Variants in PRDM5 observed in about 807,000 individuals in gnomAD.
The protein encoded by PRDM5 is PR domain zinc finger protein 5.
PRDM5 carries 56 observed loss-of-function variants against 81.2 expected under a neutral mutation model. The observed-to-expected ratio is 0.69, with a 90% CI of 0.56 to 0.86. The LOEUF is 0.86. Among genes scored for constraint, PRDM5 ranks in the 40% least tolerant of loss-of-function variants. The pLI, the probability that PRDM5 is intolerant of heterozygous loss-of-function variation, is 0.00. For missense variants in PRDM5, 697 were observed against 770.1 expected, an observed-to-expected ratio of 0.91 and a Z score of 1.12; for synonymous variants, 267 against 256.4, an observed-to-expected ratio of 1.04 and a Z score of -0.39.
intron 3 of PRDM5, chr4:120,838,259 T>A (rs986848116): frequency 6.6e-6 from 1 of 152,182 alleles, no homozygotes; most frequent in Non-Finnish European, 1.5e-5. Context: ...TCAAGCTGTC[T>A]TTTTTTGGGG....
chr4:120,741,498 C>T (rs1189082555), intron 14 of PRDM5, among the ~76,000 whole-genome samples: 3 of 151,632 alleles, frequency 2.0e-5, no homozygotes, highest in African/African-American at 7.3e-5. Flanking sequence ...GTGATTACTG[C>T]ATTTCCATCT....
chr4:120,802,716 C>T (rs1274528062), intron 8 of PRDM5, among the ~76,000 whole-genome samples: 1 of 152,152 alleles, frequency 6.6e-6, no homozygotes, highest in Non-Finnish European at 1.5e-5. Context: ...ACGTCACCAT[C>T]ATCAAAGACC....
chr4:120,866,170 C>T (rs1761180600), intron 2 of PRDM5, among the ~76,000 whole-genome samples: 1 of 152,204 alleles, frequency 6.6e-6, no homozygotes, highest in Admixed American at 6.5e-5. Flanking sequence ...ACTTGTCTGT[C>T]TCAGCTCAGA....
intron 3 of PRDM5, among the ~76,000 whole-genome samples, chr4:120,821,929 T>G (rs986609277): frequency 2.2e-5 from 3 of 139,360 alleles, no homozygotes; most frequent in African/African-American, 8.1e-5. Context: ...CCCACAGAAA[T>G]GACAGACACG....
In PRDM5 at chr4:120,857,856, C is replaced by T. The variant is rs191996876; in HGVS notation, c.178-4316G>A. ...TATTTGGATGGTTAATTTTCAAAGA[C>T]GAGTCTACAATGTTGCTTACTCTAT... On this transcript the variant is annotated intron_variant, in intron 2 of 15. Transcript: ENST00000264808. Among the ~76,000 whole-genome samples, 218 of 152,256 alleles carry T rather than the reference C, an allele frequency of 1.4e-3. 2 individuals are homozygous for T. The highest frequency in any genetic ancestry group is 4.8e-3 in the African/African-American group (200 of 41,564).
chr4:120,725,064 A>G (rs1056938479), intron 14 of PRDM5, among the ~76,000 whole-genome samples: 1 of 152,230 alleles, frequency 6.6e-6, no homozygotes, highest in Non-Finnish European at 1.5e-5. Context: ...CTCAAAAGTC[A>G]TAAAATATTC....
intron 13 of PRDM5, among the ~76,000 whole-genome samples, chr4:120,756,420 T>A (rs961598951): frequency 7.9e-5 from 12 of 152,206 alleles, no homozygotes; most frequent in African/African-American, 2.7e-4. Context: ...AACCCCACAC[T>A]TTTTTACTCA....
chr4:120,856,943 T>C (rs1398093729), intron 2 of PRDM5, among the ~76,000 whole-genome samples: 1 of 152,218 alleles, frequency 6.6e-6, no homozygotes, highest in Non-Finnish European at 1.5e-5. Context: ...GATCATCTTC[T>C]GCATACCTGG....
chr4:120,834,790 AAG>A (rs1757149165), intron 3 of PRDM5, among the ~76,000 whole-genome samples: 1 of 152,194 alleles, frequency 6.6e-6, no homozygotes, highest in Non-Finnish European at 1.5e-5. Flanking sequence ...TCCTCCAAGC[AAG>A]AGAATTTCAA....
chr4:120,876,744 T>A (rs946901854), intron 2 of PRDM5, among the ~76,000 whole-genome samples: 6 of 152,218 alleles, frequency 3.9e-5, no homozygotes, highest in Non-Finnish European at 8.8e-5. Context: ...AGGATTCTAT[T>A]TACCACAAAT....
chr4:120,886,785 A>C (rs984704155), intron 2 of PRDM5, among the ~76,000 whole-genome samples: 2 of 152,174 alleles, frequency 1.3e-5, no homozygotes, highest in East Asian at 3.8e-4. Context: ...AGGTAATAAA[A>C]AGACAATGCC....
At chr4:120,886,072 G>A (rs1763406930) in intron 2 of PRDM5, among the ~76,000 whole-genome samples, 1 of 152,092 alleles carries the variant, frequency 6.6e-6, no homozygotes, top group African/African-American at 2.4e-5. Flanking sequence ...CGATTGCTTT[G>A]CATTTTCCCT....
intron 2 of PRDM5, among the ~76,000 whole-genome samples, chr4:120,861,582 G>T (rs530187255): frequency 6.8e-4 from 103 of 152,072 alleles, no homozygotes; most frequent in South Asian, 2.5e-3. Flanking sequence ...CATATCACTT[G>T]AGGTCAGGAA....
intron 2 of PRDM5, among the ~76,000 whole-genome samples, chr4:120,880,935 T>A (rs1295085907): frequency 6.6e-6 from 1 of 152,096 alleles, no homozygotes; most frequent in Non-Finnish European, 1.5e-5. Context: ...CAACGAAATA[T>A]TGTATAAATT....
intron 2 of PRDM5, among the ~76,000 whole-genome samples, chr4:120,883,739 A>G (rs1393202987): frequency 2.6e-5 from 4 of 152,204 alleles, no homozygotes; most frequent in Non-Finnish European, 5.9e-5. Context: ...AATAAAAAAA[A>G]GAAGTTAACT....
At chr4:120,913,162 C>CT (rs1766715116) in intron 1 of PRDM5, among the ~76,000 whole-genome samples, 1 of 152,172 alleles carries the variant, frequency 6.6e-6, no homozygotes, top group South Asian at 2.1e-4. Context: ...AGCAAACAAC[C>CT]TGTGAGTAGA....
chr4:120,710,212 C>T (rs531773868), intron 15 of PRDM5, 97 bp downstream of exon 15: 8 of 1,030,030 alleles, frequency 7.8e-6, no homozygotes, highest in Non-Finnish European at 1.2e-5. Context: ...ATGCAACACA[C>T]ACACACAGAC....
At position 120,699,202 on chromosome 4, in the gene PRDM5, A is replaced by T. The variant is rs1434065992; in HGVS notation, c.1729-3927T>A. ...TATATATATATATATATATATATAT[A>T]TATTTCAGATGTCTCCTTAATAATT... On this transcript the variant is annotated intron_variant, in intron 15 of 15. Coordinates refer to ENST00000264808, the MANE Select transcript of PRDM5 (RefSeq NM_018699.4). Among the ~76,000 whole-genome samples, 288 of 72,682 alleles carry T rather than the reference A, an allele frequency of 4.0e-3. 2 individuals carry two copies. The highest frequency in any genetic ancestry group is 7.3e-3 in the Admixed American group (40 of 5,514). The allele number at this position is 72,682 out of a possible 152,430, so 47.7% of individuals were successfully genotyped here. A position where few individuals can be genotyped will look rare whatever the true frequency, so the allele number is the denominator to read the frequency against.
At chr4:120,853,287 T>A in intron 3 of PRDM5, 131 bp downstream of exon 3, 1 of 1,373,184 alleles carries the variant, frequency 7.3e-7, no homozygotes, top group South Asian at 1.2e-5. Context: ...AGATGAGATT[T>A]CTCTGCTTTT....
Sources: allele counts gnomAD v4.1 joint callset (sites outside exome capture counted in the v4.1 genomes callset), GRCh38; gene constraint gnomAD v4.1.1; transcripts MANE v1.5; gene names NCBI Gene and HGNC (gene_info 2026-07-23, HGNC 2026-07-21).